MRPL18: variants seen among roughly 807,000 people sequenced by gnomAD.
MRPL18 encodes large ribosomal subunit protein uL18m.
A neutral mutation model predicts 20.9 loss-of-function variants in MRPL18; 16 were observed. That is an observed-to-expected ratio of 0.76 (90% CI 0.52 to 1.16). The LOEUF (loss-of-function observed/expected upper bound fraction) is 1.16, where lower values mean the gene tolerates loss of function less well. MRPL18 is among the 50% of genes most tolerant of loss of function. The pLI is 0.00. For synonymous variants in MRPL18, 91 were observed against 87.1 expected (o/e 1.04, Z -0.25); for missense variants, 233 against 230.6 (o/e 1.01, Z -0.07).
chr6:159,797,491 A>G lies in MRPL18; in HGVS notation c.444A>G (p.Pro148=). The change falls in exon 3 of 4, where the codon CCA becomes CCG. Residue 148 remains proline (P), a synonymous_variant. Coordinates refer to ENST00000367034, the MANE Select transcript of MRPL18 (RefSeq NM_014161.5). ...GAATCAACTTCATGGTCTACCAACC[A>G]ACCCCGTGGGAGGCAGCCTCAGACT... ...EAGINFMVYQ[P]TPWEAASDSM... The G allele has an allele frequency of 6.2e-7, 1 of 1,614,202 alleles. No homozygotes were observed. Among genetic ancestry groups the G allele is most frequent in the Non-Finnish European group, 8.5e-7 (1 of 1,180,020 alleles).
At chr6:159,797,216 A>C in intron 2 of MRPL18, 71 bp from the exon 3 acceptor site, 1 of 1,337,386 alleles carries the variant, frequency 7.5e-7, no homozygotes, top group Non-Finnish European at 1.1e-6. Flanking sequence ...TTAGTCATTT[A>C]TTCACCTCAA....
chr6:159,795,282 G>A (rs1456686017), intron 2 of MRPL18, among the ~76,000 whole-genome samples: 3 of 152,124 alleles, frequency 2.0e-5, no homozygotes, highest in Non-Finnish European at 2.9e-5. Context: ...GACCCTTTAC[G>A]GGTGTCAGGC....
upstream of MRPL18, among the ~76,000 whole-genome samples, chr6:159,790,295 G>A (rs1780833389): frequency 6.6e-6 from 1 of 152,114 alleles, no homozygotes; most frequent in South Asian, 2.1e-4. Context: ...CTTTGACCCC[G>A]GACTTAAGCA....
chr6:159,795,313 C>G (rs1781003929), intron 2 of MRPL18, among the ~76,000 whole-genome samples: 1 of 152,202 alleles, frequency 6.6e-6, no homozygotes, highest in Non-Finnish European at 1.5e-5. Flanking sequence ...TCAGGTCTTT[C>G]CCTTCCCACG....
At chr6:159,797,171 G>T (rs1012615304) in intron 2 of MRPL18, 116 bp from the exon 3 acceptor site, 1 of 244,914 alleles carries the variant, frequency 4.1e-6, no homozygotes, top group Non-Finnish European at 7.3e-6. Context: ...ATATGTTGAA[G>T]TAAATGAACC....
intron 3 of MRPL18, among the ~76,000 whole-genome samples, 179 bp from the exon 4 acceptor site, chr6:159,797,873 C>G (rs906428808): frequency 1.3e-5 from 2 of 152,236 alleles, no homozygotes; most frequent in Non-Finnish European, 2.9e-5. Flanking sequence ...ACCTTGACAT[C>G]TCTACATTTC....
At chr6:159,795,399 C>A (rs1159819467) in intron 2 of MRPL18, among the ~76,000 whole-genome samples, 7 of 152,240 alleles carry the variant, frequency 4.6e-5, no homozygotes, top group Admixed American at 1.3e-4. Context: ...GTCCCTGCGG[C>A]CTTCCGCAGT....
chr6:159,791,221 C>G, intron 2 of MRPL18, 95 bp downstream of exon 2: 2 of 1,467,096 alleles, frequency 1.4e-6, no homozygotes, highest in Non-Finnish European at 1.8e-6. Context: ...AGCTGCCATG[C>G]GGCGGGTAGA....
chr6:159,796,086 A>G (rs1288847852), intron 2 of MRPL18, among the ~76,000 whole-genome samples: 1 of 151,558 alleles, frequency 6.6e-6, no homozygotes, highest in Non-Finnish European at 1.5e-5. Context: ...GCCCAGCCTA[A>G]AATATTTTTT....
chr6:159,790,592 C>T lies in MRPL18; in HGVS notation c.5C>T (p.Ala2Val), dbSNP rs1294480822. ...TTTTCCGAGATCGTCTCAGCGATGG[C>T]GCTTCGGTCGCGGTTTTGGGGGTTG... M[A>V]LRSRFWGLFS... The change falls in exon 1 of 4, where the codon GCG (alanine) becomes GTG (valine). Residue 2 changes from alanine (A) to valine (V), a missense_variant. Transcript: ENST00000367034. 1 of 1,578,706 alleles carries T rather than the reference C, an allele frequency of 6.3e-7. No homozygotes were observed. Among genetic ancestry groups the T allele is most frequent in the East Asian group, 2.3e-5 (1 of 44,028 alleles).
intron 2 of MRPL18, among the ~76,000 whole-genome samples, chr6:159,793,535 G>T (rs898324927): frequency 6.6e-6 from 1 of 152,188 alleles, no homozygotes; most frequent in African/African-American, 2.4e-5. Flanking sequence ...AGTTTCAACA[G>T]AAGCTATTGG....
chr6:159,794,429 T>C (rs9347345), intron 2 of MRPL18, among the ~76,000 whole-genome samples: 2 of 152,326 alleles, frequency 1.3e-5, no homozygotes, highest in East Asian at 3.9e-4. Context: ...AATTGAGACA[T>C]AAGCTTTATC....
In MRPL18 at chr6:159,798,049, C is replaced by T. The variant is rs753073899; in HGVS notation, c.472-3C>T. ...TCCTTTTTTTTCTGATTTTCAAAAC[C>T]AGATGAAACGACTACAAAGTGCCAT... On this transcript the variant is annotated splice_polypyrimidine_tract_variant and splice_region_variant and intron_variant, in intron 3 of 3. Coordinates refer to ENST00000367034, the MANE Select transcript of MRPL18 (RefSeq NM_014161.5). 2 of 1,612,220 alleles carry T rather than the reference C, an allele frequency of 1.2e-6. No individual in the cohort carries two copies. Among genetic ancestry groups the T allele is most frequent in the South Asian group, 1.1e-5 (1 of 90,618 alleles).
chr6:159,793,637 C>T (rs999453162), intron 2 of MRPL18, among the ~76,000 whole-genome samples: 26 of 152,124 alleles, frequency 1.7e-4, no homozygotes, highest in Admixed American at 5.9e-4. Flanking sequence ...TGGCCGGGCG[C>T]GGTGGCTCAC....
At position 159,791,043 on chromosome 6, in the gene MRPL18, C is replaced by T. The variant is rs766973463; in HGVS notation, c.156C>T (p.Asn52=). ...TCGCCCCAGAATTCACCAACCGGAA[C>T]CCCCGGAACCTGGAGCTTTTATCTG... The part of the protein sequence containing the change: ...EAVAPEFTNR[N]PRNLELLSVA... The change falls in exon 2 of 4, where the codon AAC becomes AAT. Residue 52 remains asparagine (N), a synonymous_variant. Coordinates refer to ENST00000367034, the MANE Select transcript of MRPL18 (RefSeq NM_014161.5). 4.3e-6 allele frequency: 7 copies of T among 1,614,186 alleles called. No individual in the cohort carries two copies. The highest frequency in any genetic ancestry group is 1.1e-5 in the South Asian group (1 of 91,082).
intron 2 of MRPL18, among the ~76,000 whole-genome samples, chr6:159,795,651 T>C (rs1211837506): frequency 2.6e-5 from 4 of 152,210 alleles, no homozygotes; most frequent in Non-Finnish European, 4.4e-5. Context: ...TGTCTACTTC[T>C]TTCTACACAG....
At chr6:159,796,695 G>A (rs11756515) in intron 2 of MRPL18, among the ~76,000 whole-genome samples, 71,729 of 151,866 alleles carry the variant, frequency 0.47, 17,962 homozygotes, top group Non-Finnish European at 0.55. Flanking sequence ...AAGGCAGGAG[G>A]GTTGCTTGAG....
intron 2 of MRPL18, 145 bp downstream of exon 2, chr6:159,791,271 G>A (rs958471723): frequency 2.3e-6 from 2 of 868,582 alleles, no homozygotes; most frequent in African/African-American, 1.7e-5. Flanking sequence ...CAACAAATAG[G>A]TGTGATGGGG....
intron 2 of MRPL18, among the ~76,000 whole-genome samples, chr6:159,793,036 AGGCTGGTCTCG>A: frequency 6.7e-6 from 1 of 150,350 alleles, no homozygotes; most frequent in Non-Finnish European, 1.5e-5. Context: ...GCTGCTGCCC[AGGCTGGTCTCG>A]AGCTCTTGAG....
Sources: allele counts gnomAD v4.1 joint callset (sites outside exome capture counted in the v4.1 genomes callset), GRCh38; gene constraint gnomAD v4.1.1; transcripts MANE v1.5; gene names NCBI Gene and HGNC (gene_info 2026-07-23, HGNC 2026-07-21).